NKAIN3: variants seen among roughly 807,000 people sequenced by gnomAD.
NKAIN3 encodes the protein sodium/potassium transporting ATPase interacting 3.
NKAIN3 carries 25 observed loss-of-function variants against 30.2 expected under a neutral mutation model. That is an observed-to-expected ratio of 0.83 (90% CI 0.60 to 1.16). NKAIN3 has a LOEUF of 1.16. Among genes scored for constraint, NKAIN3 ranks in the 50% most tolerant of loss-of-function variants. The probability of loss-of-function intolerance (pLI) is 0.00; values close to 1 mark genes in which losing one functional copy is unlikely to be tolerated. For missense variants in NKAIN3, 225 were observed against 254.1 expected, an observed-to-expected ratio of 0.89 and a Z score of 0.78; for synonymous variants, 91 against 89.6, an observed-to-expected ratio of 1.02 and a Z score of -0.09.
At chr8:62,320,256 A>G (rs544022137) in intron 1 of NKAIN3, among the ~76,000 whole-genome samples, 36 of 152,300 alleles carry the variant, frequency 2.4e-4, no homozygotes, top group African/African-American at 8.2e-4. Flanking sequence ...TCCTGAATAC[A>G]GCGCACTGAT....
At chr8:62,863,695 G>T (rs1820328714) in intron 4 of NKAIN3, 8 of 1,462,004 alleles carry the variant, frequency 5.5e-6, no homozygotes, top group Non-Finnish European at 7.7e-6. Context: ...CCAAGGCTGT[G>T]TCTGTATCAC....
intron 3 of NKAIN3, among the ~76,000 whole-genome samples, chr8:62,652,340 A>G (rs1812647545): frequency 6.6e-6 from 1 of 152,212 alleles, no homozygotes; most frequent in Non-Finnish European, 1.5e-5. Flanking sequence ...TAATCATTCA[A>G]CTTTTAAGAG....
At chr8:62,379,412 G>A (rs1165717819) in intron 1 of NKAIN3, among the ~76,000 whole-genome samples, 1 of 152,134 alleles carries the variant, frequency 6.6e-6, no homozygotes, top group African/African-American at 2.4e-5. Flanking sequence ...ATGAGATTTG[G>A]GAGGAGCCAG....
At chr8:62,584,134 G>A (rs1810398922) in intron 2 of NKAIN3, among the ~76,000 whole-genome samples, 1 of 152,154 alleles carries the variant, frequency 6.6e-6, no homozygotes, top group South Asian at 2.1e-4. Flanking sequence ...TTTTCACTGT[G>A]AGGGGAAAGA....
chr8:62,382,449 G>T (rs955122969), intron 1 of NKAIN3, among the ~76,000 whole-genome samples: 2 of 151,926 alleles, frequency 1.3e-5, no homozygotes, highest in Non-Finnish European at 2.9e-5. Context: ...TAATTTTACA[G>T]AAATTTGTAT....
intron 1 of NKAIN3, among the ~76,000 whole-genome samples, chr8:62,553,204 T>C (rs1302530199): frequency 6.6e-6 from 1 of 152,182 alleles, no homozygotes; most frequent in Non-Finnish European, 1.5e-5. Context: ...ACCATTCTCC[T>C]TATTTCATTC....
intron 1 of NKAIN3, among the ~76,000 whole-genome samples, chr8:62,338,921 C>T (rs1434172724): frequency 6.6e-6 from 1 of 152,040 alleles, no homozygotes; most frequent in Admixed American, 6.6e-5. Context: ...CTTTTGGCAA[C>T]ACCCTCATAG....
In NKAIN3 at chr8:62,965,894, C is replaced by A. The variant is rs964445396; in HGVS notation, c.*487C>A. On this transcript the variant is annotated 3_prime_UTR_variant, in exon 7 of 7. Transcript: ENST00000623646. ...TGATAAATAGGTACAAATAATGGAT[C>A]CAGCTTTTGGATTGAATATGGGTCA... The A allele has an allele frequency of 1.2e-5, 12 of 985,088 alleles. No homozygotes were observed. The African/African-American group carries it at 2.1e-4, about 17-fold the overall frequency. 61.0% of individuals were successfully genotyped at this position (985,088 alleles called of 1,614,324 possible).
intron 4 of NKAIN3, among the ~76,000 whole-genome samples, chr8:62,845,511 C>A (rs7830715): frequency 3.3e-5 from 5 of 151,106 alleles, no homozygotes; most frequent in African/African-American, 1.2e-4. Context: ...AAATATAGTA[C>A]CCACAGTGAA....
At chr8:62,956,339 G>T (rs750686231) in intron 6 of NKAIN3, among the ~76,000 whole-genome samples, 7 of 152,136 alleles carry the variant, frequency 4.6e-5, no homozygotes, top group Non-Finnish European at 1.0e-4. Context: ...GTTTTGTGAG[G>T]AAGCCACTTT....
intron 4 of NKAIN3, among the ~76,000 whole-genome samples, chr8:62,869,368 C>T (rs1414087019): frequency 6.6e-6 from 1 of 152,164 alleles, no homozygotes; most frequent in Non-Finnish European, 1.5e-5. Context: ...ATGTTCCCCT[C>T]CCGGGGTCCA....
At chr8:62,808,865 C>T (rs1025496633) in intron 4 of NKAIN3, among the ~76,000 whole-genome samples, 2 of 152,136 alleles carry the variant, frequency 1.3e-5, no homozygotes, top group Admixed American at 6.6e-5. Flanking sequence ...GAGCAGACAA[C>T]TGGTCTGACT....
chr8:62,436,897 G>A lies in NKAIN3; in HGVS notation c.55-142642G>A, dbSNP rs60106194. 3.0e-3 allele frequency among the ~76,000 whole-genome samples: 453 copies of A among 152,206 alleles called. 2 individuals carry two copies. Among genetic ancestry groups the A allele is most frequent in the African/African-American group, 0.011 (439 of 41,528 alleles). On this transcript the variant is annotated intron_variant, in intron 1 of 6. Coordinates refer to ENST00000623646, the MANE Select transcript of NKAIN3 (RefSeq NM_001304533.3). ...CAAAGTGAAAAACTGTAACTGTAAT[G>A]TGCGGGACACACCAAAAAGAGGGTG...
At chr8:62,571,005 A>C (rs1809918259) in intron 1 of NKAIN3, among the ~76,000 whole-genome samples, 4 of 152,218 alleles carry the variant, frequency 2.6e-5, no homozygotes, top group African/African-American at 9.6e-5. Flanking sequence ...AATTCATGTG[A>C]TAAATATTTC....
chr8:62,972,742 G>A lies in NKAIN3; in HGVS notation c.*7335G>A, dbSNP rs185603483. Among the ~76,000 whole-genome samples, 112 of 152,098 alleles carry A rather than the reference G, an allele frequency of 7.4e-4. 1 individual carries two copies. The highest frequency in any genetic ancestry group is 2.6e-3 in the African/African-American group (109 of 41,470). ...GCAGAATGTGCAGGTTTGTTACATA[G>A]GTATACATGTGCCATGGTGGTTTGC... On this transcript the variant is annotated 3_prime_UTR_variant, in exon 7 of 7. Coordinates refer to ENST00000623646, the MANE Select transcript of NKAIN3 (RefSeq NM_001304533.3).
At chr8:62,995,869 G>A (rs1315043498) in intron 5 of NKAIN3, among the ~76,000 whole-genome samples, 4 of 152,144 alleles carry the variant, frequency 2.6e-5, no homozygotes, top group African/African-American at 9.7e-5. Context: ...AGCAGCATCA[G>A]CATCACCTGG....
chr8:62,667,618 T>TA lies in NKAIN3; in HGVS notation c.273+77825dup, dbSNP rs1485197009. 2.0e-5 allele frequency among the ~76,000 whole-genome samples: 3 copies of TA among 152,012 alleles called. No homozygotes were observed. In the East Asian group the frequency reaches 5.8e-4, roughly 29 times the overall value. On this transcript the variant is annotated intron_variant, in intron 3 of 6. Coordinates refer to ENST00000623646, the MANE Select transcript of NKAIN3 (RefSeq NM_001304533.3). Reference sequence around the variant, plus strand: ...CCATTCCTGTCTAAGCCATCCTCATTACTCATCTGTTGCATTAGCCTCCAG... The same window carrying TA: ...CCATTCCTGTCTAAGCCATCCTCATTAACTCATCTGTTGCATTAGCCTCCAG...
At chr8:62,556,301 T>C (rs1285663562) in intron 1 of NKAIN3, among the ~76,000 whole-genome samples, 4 of 151,874 alleles carry the variant, frequency 2.6e-5, no homozygotes, top group Non-Finnish European at 5.9e-5. Flanking sequence ...CATATATGTA[T>C]GCTACCTTTT....
At chr8:62,439,777 G>A (rs995691275) in intron 1 of NKAIN3, among the ~76,000 whole-genome samples, 1 of 152,298 alleles carries the variant, frequency 6.6e-6, no homozygotes, top group Admixed American at 6.5e-5. Flanking sequence ...CTGAACATGA[G>A]GTGCAGTCAA....
Sources: gnomAD v4.1 joint callset for allele counts (sites outside exome capture counted in the v4.1 genomes callset) on GRCh38, gnomAD v4.1.1 for gene constraint, MANE v1.5 for transcripts, NCBI Gene and HGNC (gene_info 2026-07-23, HGNC 2026-07-21) for gene names.